INPP4B: variants seen among roughly 807,000 people sequenced by gnomAD.
INPP4B encodes inositol polyphosphate-4-phosphatase type II B.
INPP4B carries 55 observed loss-of-function variants against 122.5 expected under a neutral mutation model. The ratio of observed to expected loss-of-function variants is 0.45; its 90% CI spans 0.36 to 0.56. The LOEUF (loss-of-function observed/expected upper bound fraction) is 0.56. Among genes scored for constraint, INPP4B ranks in the 20% least tolerant of loss-of-function variants. INPP4B has a pLI of 0.00. For synonymous variants in INPP4B, 403 were observed against 388.7 expected (o/e 1.04, Z -0.43); for missense variants, 1,000 against 1,097.7 (o/e 0.91, Z 1.26).
intron 7 of INPP4B, among the ~76,000 whole-genome samples, chr4:142,393,374 G>A (rs965437045): frequency 2.6e-5 from 4 of 152,174 alleles, no homozygotes; most frequent in East Asian, 3.9e-4. Context: ...AAGGAGACAC[G>A]TAGATCCTAG....
chr4:142,427,379 A>G, intron 5 of INPP4B: 1 of 471,606 alleles, frequency 2.1e-6, no homozygotes, highest in Non-Finnish European at 3.7e-6. Context: ...TATATTTTAA[A>G]AATATATATA....
At chr4:142,562,658 T>C (rs1391029215) in intron 2 of INPP4B, among the ~76,000 whole-genome samples, 4 of 152,058 alleles carry the variant, frequency 2.6e-5, no homozygotes, top group African/African-American at 9.7e-5. Flanking sequence ...ACCCATTTTG[T>C]GTTAAAGAAA....
intron 23 of INPP4B, among the ~76,000 whole-genome samples, chr4:142,097,683 A>G (rs1204038431): frequency 6.6e-6 from 1 of 152,324 alleles, no homozygotes; most frequent in Non-Finnish European, 1.5e-5. Flanking sequence ...TTTGCCAGCC[A>G]TCCTACAGAC....
At position 142,406,395 on chromosome 4, in the gene INPP4B, T is replaced by G. The variant is rs148872850; in HGVS notation, c.137-1071A>C. Among the ~76,000 whole-genome samples, 206 of 152,316 alleles carry G rather than the reference T, an allele frequency of 1.4e-3. 1 individual carries two copies. The highest frequency in any genetic ancestry group is 6.8e-3 in the Middle Eastern group (2 of 294). ...TTTAAGGTATGTTGTGGTCAGAGCT[T>G]GCAAGGTCCTTACCATTGGTAACAA... On this transcript the variant is annotated intron_variant, in intron 5 of 25. Coordinates refer to ENST00000262992, the MANE Select transcript of INPP4B (RefSeq NM_001101669.3).
intron 2 of INPP4B, among the ~76,000 whole-genome samples, chr4:142,624,496 A>C (rs1745825372): frequency 6.6e-6 from 1 of 150,988 alleles, no homozygotes; most frequent in Non-Finnish European, 1.5e-5. Context: ...AGGTTGTGAA[A>C]ATTTTCTCAA....
chr4:142,178,464 A>G (rs901156766), intron 15 of INPP4B, among the ~76,000 whole-genome samples: 8 of 152,292 alleles, frequency 5.3e-5, no homozygotes, highest in Admixed American at 6.5e-5. Context: ...GAAGAGAAAT[A>G]TAATTTATTT....
chr4:142,231,711 G>A lies in INPP4B; in HGVS notation c.836+6153C>T, dbSNP rs539737813. On this transcript the variant is annotated intron_variant, in intron 12 of 25. Transcript: ENST00000262992. ...CTCCCTTTTCCACTCCCTTGGAAAA[G>A]TAGAGACCGTTATGTAAGAAAATAT... 2.0e-5 allele frequency among the ~76,000 whole-genome samples: 3 copies of A among 152,164 alleles called. No individual in the cohort carries two copies. The South Asian group carries it at 6.2e-4, about 32-fold the overall frequency.
intron 1 of INPP4B, among the ~76,000 whole-genome samples, chr4:142,779,354 T>C (rs1774439639): frequency 6.6e-6 from 1 of 152,172 alleles, no homozygotes; most frequent in Admixed American, 6.6e-5. Context: ...GTCAGTAATT[T>C]ATAAACAAAA....
intron 2 of INPP4B, among the ~76,000 whole-genome samples, chr4:142,483,874 G>C (rs1375714445): frequency 6.6e-6 from 1 of 152,018 alleles, no homozygotes; most frequent in Non-Finnish European, 1.5e-5. Context: ...GAAAGAGGTG[G>C]ATGGAATCTG....
intron 2 of INPP4B, among the ~76,000 whole-genome samples, chr4:142,625,587 C>G (rs1466714547): frequency 6.6e-6 from 1 of 152,010 alleles, no homozygotes; most frequent in Admixed American, 6.6e-5. Flanking sequence ...AATGCCATCC[C>G]CATCAAGCTA....
At chr4:142,705,877 G>T (rs906697742) in intron 2 of INPP4B, among the ~76,000 whole-genome samples, 4 of 152,124 alleles carry the variant, frequency 2.6e-5, no homozygotes, top group Non-Finnish European at 5.9e-5. Context: ...CTTACTCCTT[G>T]GTATCTATTC....
intron 2 of INPP4B, among the ~76,000 whole-genome samples, chr4:142,649,523 C>T (rs931242772): frequency 6.6e-6 from 1 of 151,786 alleles, no homozygotes; most frequent in Non-Finnish European, 1.5e-5. Context: ...TAGAGAAGAC[C>T]TTAAATGGAG....
At chr4:142,283,678 A>G (rs531307847) in intron 9 of INPP4B, among the ~76,000 whole-genome samples, 1 of 152,298 alleles carries the variant, frequency 6.6e-6, no homozygotes, top group African/African-American at 2.4e-5. Context: ...AGGCAGAGCA[A>G]AAATATGGTG....
chr4:142,282,108 A>T (rs945972120), intron 9 of INPP4B, among the ~76,000 whole-genome samples: 1 of 152,124 alleles, frequency 6.6e-6, no homozygotes, highest in African/African-American at 2.4e-5. Context: ...TAAGCAGGGT[A>T]AAAGGTGGAT....
At chr4:142,585,119 A>G (rs1344659458) in intron 2 of INPP4B, among the ~76,000 whole-genome samples, 1 of 152,084 alleles carries the variant, frequency 6.6e-6, no homozygotes, top group Non-Finnish European at 1.5e-5. Flanking sequence ...TGATATTGGT[A>G]GTGTTATTAC....
At chr4:142,599,006 G>A (rs754352617) in intron 2 of INPP4B, among the ~76,000 whole-genome samples, 1 of 152,156 alleles carries the variant, frequency 6.6e-6, no homozygotes, top group African/African-American at 2.4e-5. Context: ...ATAGTGTTGT[G>A]ATATTGCTGC....
chr4:142,134,905 T>A (rs1336231848), intron 18 of INPP4B, among the ~76,000 whole-genome samples: 1 of 151,980 alleles, frequency 6.6e-6, no homozygotes. Flanking sequence ...TATTCATATG[T>A]AGGAATTTAT....
intron 9 of INPP4B, among the ~76,000 whole-genome samples, chr4:142,292,308 A>G (rs552774082): frequency 8.5e-5 from 13 of 152,314 alleles, no homozygotes; most frequent in African/African-American, 3.1e-4. Flanking sequence ...CGATGTTACA[A>G]TCACAGGTCT....
chr4:142,136,060 G>A (rs2152807837), intron 18 of INPP4B, among the ~76,000 whole-genome samples: 2 of 152,322 alleles, frequency 1.3e-5, no homozygotes, highest in Middle Eastern at 6.8e-3. Flanking sequence ...GCCTCCCAAA[G>A]TGCTGGGATT....
Sources: allele counts gnomAD v4.1 joint callset (sites outside exome capture counted in the v4.1 genomes callset), GRCh38; gene constraint gnomAD v4.1.1; transcripts MANE v1.5; gene names NCBI Gene and HGNC (gene_info 2026-07-23, HGNC 2026-07-21).